The following ZMYM6 variants were observed in gnomAD, a reference collection of about 807,000 sequenced individuals.
The protein encoded by ZMYM6 is zinc finger MYM-type containing 6.
A neutral mutation model predicts 134.0 loss-of-function variants in ZMYM6; 90 were observed. That is an observed-to-expected ratio of 0.67 (90% confidence interval 0.57 to 0.80). ZMYM6 has a LOEUF of 0.80. ZMYM6 is among the 30% of genes least tolerant of loss of function. ZMYM6 has a pLI of 0.00. For missense variants in ZMYM6, 1,362 were observed against 1,533.9 expected, an observed-to-expected ratio of 0.89 and a Z score of 1.87; for synonymous variants, 481 against 524.1, an observed-to-expected ratio of 0.92 and a Z score of 1.12.
At chr1:35,001,696 T>C (rs1338784065) in intron 14 of ZMYM6, among the ~76,000 whole-genome samples, 1 of 152,210 alleles carries the variant, frequency 6.6e-6, no homozygotes, top group Non-Finnish European at 1.5e-5. Flanking sequence ...GCAAAATACA[T>C]AATATTCAAA....
chr1:35,000,718 A>C (rs11809344), intron 14 of ZMYM6, among the ~76,000 whole-genome samples: 2,647 of 152,298 alleles, frequency 0.017, 91 homozygotes, highest in African/African-American at 0.061. Context: ...TTTTCCATTT[A>C]ATATTAAATA....
chr1:35,017,013 A>G (rs1246223795), intron 4 of ZMYM6, among the ~76,000 whole-genome samples: 1 of 152,076 alleles, frequency 6.6e-6, no homozygotes, highest in Admixed American at 6.6e-5. Context: ...TCAAAAAAAA[A>G]AAAAAATCCC....
At position 34,988,679 on chromosome 1, in the gene ZMYM6, T is replaced by G. The variant is rs1264408979; in HGVS notation, c.2403A>C (p.Val801=). Residue 801 remains valine (V), a synonymous_variant, in exon 16 of 16, where the codon GTA becomes GTC. Coordinates refer to ENST00000357182, the MANE Select transcript of ZMYM6 (RefSeq NM_007167.4). The part of the protein sequence containing the change: ...TKHSELENKP[V]DFFEQKSLEM... The stretch of plus-strand genomic sequence containing the variant: ...CTAAAGATTTTTGTTCAAAAAAATC[T>G]ACTGGTTTGTTTTCTAATTCTGAAT... 2 of 1,548,090 alleles carry G rather than the reference T, an allele frequency of 1.3e-6. No homozygotes were observed. The highest frequency in any genetic ancestry group is 1.7e-6 in the Non-Finnish European group (2 of 1,146,208).
intron 4 of ZMYM6, among the ~76,000 whole-genome samples, chr1:35,015,557 C>A (rs1641166832): frequency 6.6e-6 from 1 of 151,124 alleles, no homozygotes. Flanking sequence ...AACCTCGTCT[C>A]TACTAAAAAT....
chr1:35,006,223 G>T (rs1164869124), intron 12 of ZMYM6, among the ~76,000 whole-genome samples: 1 of 152,116 alleles, frequency 6.6e-6, no homozygotes, highest in Admixed American at 6.6e-5. Context: ...TACCAGTCTG[G>T]TCTCGAACTC....
At chr1:35,018,510 T>C (rs1641246625) in intron 4 of ZMYM6, 1 of 151,734 alleles carries the variant, frequency 6.6e-6, no homozygotes, top group African/African-American at 2.4e-5. Flanking sequence ...TTATTTATGT[T>C]AATTATAAAT....
chr1:35,030,363 T>C (rs1469181988), intron 2 of ZMYM6, 184 bp downstream of exon 2: 1 of 569,600 alleles, frequency 1.8e-6, no homozygotes, highest in African/African-American at 1.9e-5. Flanking sequence ...GCCTGGGAGG[T>C]GGAGGCTGCA....
chr1:35,007,233 T>A, intron 11 of ZMYM6, 135 bp from the exon 12 acceptor site: 1 of 781,192 alleles, frequency 1.3e-6, no homozygotes, highest in Non-Finnish European at 1.8e-6. Flanking sequence ...GTTCTTACCT[T>A]AAAATACTGA....
chr1:34,988,158 C>T lies in ZMYM6; in HGVS notation c.2924G>A (p.Cys975Tyr). Residue 975 changes from cysteine to tyrosine, a missense_variant, in exon 16 of 16, where the codon TGT becomes TAT. Transcript: ENST00000357182. ...AGCCCCATCGGTACAGAGACCAACA[C>T]AATGTTTCCAATTCAGAGATTTACT... The part of the protein sequence containing the change: ...IDSKSLNWKH[C>Y]VGLCTDGAAS... 6.4e-7 allele frequency: 1 copy of T among 1,550,540 alleles called. No homozygotes were observed. Among genetic ancestry groups the T allele is most frequent in the Non-Finnish European group, 8.7e-7 (1 of 1,146,586 alleles).
intron 14 of ZMYM6, among the ~76,000 whole-genome samples, chr1:35,001,003 A>G (rs1365249113): frequency 6.6e-6 from 1 of 151,936 alleles, no homozygotes; most frequent in African/African-American, 2.4e-5. Flanking sequence ...AGCCACACTC[A>G]CTCTTTCATG....
At chr1:34,989,245 A>G in intron 15 of ZMYM6, 1 of 1,063,642 alleles carries the variant, frequency 9.4e-7, no homozygotes, top group Non-Finnish European at 1.1e-6. Context: ...CAAATTAACA[A>G]TAAACTTTTT....
intron 2 of ZMYM6, 81 bp downstream of exon 2, chr1:35,030,466 C>T: frequency 1.5e-6 from 2 of 1,346,616 alleles, no homozygotes; most frequent in South Asian, 2.6e-5. Flanking sequence ...AAACCAGAAG[C>T]CGTTTAACTA....
In ZMYM6 at chr1:34,987,146, A is replaced by G. The variant is rs1454568539; in HGVS notation, c.3936T>C (p.Ser1312=). 6.3e-7 allele frequency: 1 copy of G among 1,581,600 alleles called. No homozygotes were observed. The change falls in exon 16 of 16, where the codon TCT becomes TCC. Residue 1312 remains serine (S), a synonymous_variant. Transcript: ENST00000357182. ...SGPALRLAVT[S]LIPRIEKLVK... Reference sequence around the variant, plus strand: ...CTAATTTTTCTATCCTTGGAATTAAAGATGTGACTGCAAGTCTTAGGGCAG... The same window carrying G: ...CTAATTTTTCTATCCTTGGAATTAAGGATGTGACTGCAAGTCTTAGGGCAG...
chr1:34,995,134 T>TAC (rs1222168522), intron 14 of ZMYM6, among the ~76,000 whole-genome samples: 5 of 146,860 alleles, frequency 3.4e-5, no homozygotes, highest in African/African-American at 9.9e-5. Context: ...TATACATATA[T>TAC]ACACACACAC....
In ZMYM6 at chr1:34,987,197, T is replaced by G; in HGVS notation, c.3885A>C (p.Lys1295Asn). Residue 1295 changes from lysine to asparagine, a missense_variant, in exon 16 of 16, where the codon AAA becomes AAC. Lys to Asn is a moderately conservative substitution (Grantham distance 94, BLOSUM62 0). Coordinates refer to ENST00000357182, the MANE Select transcript of ZMYM6 (RefSeq NM_007167.4). ...GGCCAGAACCCAACAGATTTTTTTG[T>G]TTTGACTCAGTCAAAGCTGAAAAGG... Reference protein sequence around the residue: ...DAAFSALTESKQKNLLGSGPA... With the variant: ...DAAFSALTESNQKNLLGSGPA... 1 of 1,613,276 alleles carries G rather than the reference T, an allele frequency of 6.2e-7. No homozygotes were observed. The highest frequency in any genetic ancestry group is 8.5e-7 in the Non-Finnish European group (1 of 1,179,716).
chr1:35,018,290 A>T (rs1641241853), intron 4 of ZMYM6: 1 of 151,630 alleles, frequency 6.6e-6, no homozygotes, highest in Non-Finnish European at 1.5e-5. Flanking sequence ...GGCTGCAGTG[A>T]GCTGTGATCA....
Position 35,020,443 on chromosome 1 carries a change from T to C in ZMYM6, c.118A>G (p.Lys40Glu), listed in dbSNP as rs1188797764. 2.5e-6 allele frequency: 4 copies of C among 1,611,806 alleles called. No homozygotes were observed. The highest frequency in any genetic ancestry group is 3.4e-6 in the Non-Finnish European group (4 of 1,179,624). The stretch of plus-strand genomic sequence containing the variant: ...ATTTTCAATTTACTTTCTTGAGTTT[T>C]TGGCTGTTGGACACATCCATACTCC... ...AQEYGCVQQP[K>E]TQESKLKIGG... Residue 40 changes from lysine to glutamate, a missense_variant, in exon 3 of 16, where the codon AAA becomes GAA. Lys to Glu is a moderately conservative substitution (Grantham distance 56, BLOSUM62 1). This residue lies in a region of ZMYM6 where 503 missense variants were observed against 520.8 expected (regional missense o/e 0.97). Coordinates refer to ENST00000357182, the MANE Select transcript of ZMYM6 (RefSeq NM_007167.4).
chr1:34,997,874 A>G (rs1371653593), intron 14 of ZMYM6, among the ~76,000 whole-genome samples: 2 of 152,160 alleles, frequency 1.3e-5, no homozygotes, highest in African/African-American at 2.4e-5. Context: ...GTGCAAATCT[A>G]TATTTTCTTC....
Position 35,015,189 on chromosome 1 carries a change from T to C in ZMYM6, c.429-27A>G, listed in dbSNP as rs777741115. On this transcript the variant is annotated intron_variant, in intron 4 of 15. Transcript: ENST00000357182. Reference sequence around the variant, plus strand: ...TAAAAATAAATAACAAAGGTAAAAATGAAATGTATTCTTCACAACTGTAAC... The same window carrying C: ...TAAAAATAAATAACAAAGGTAAAAACGAAATGTATTCTTCACAACTGTAAC... 1.9e-5 allele frequency: 29 copies of C among 1,552,912 alleles called. No individual in the cohort carries two copies. In the East Asian group the frequency reaches 6.7e-4, roughly 36 times the overall value.
Sources: gnomAD v4.1 joint callset for allele counts (sites outside exome capture counted in the v4.1 genomes callset) on GRCh38, gnomAD v4.1.1 for gene constraint, gnomAD v4.1.1 regional missense constraint, MANE v1.5 for transcripts, NCBI Gene and HGNC (gene_info 2026-07-23, HGNC 2026-07-21) for gene names.